Variants in KCNAB1 observed in about 807,000 individuals in gnomAD.
KCNAB1 encodes voltage-gated potassium channel subunit beta-1.
Under a neutral mutation model 64.6 loss-of-function variants are expected in KCNAB1, and 35 were observed. The ratio of observed to expected loss-of-function variants is 0.54; its 90% CI spans 0.41 to 0.72. KCNAB1 has a LOEUF of 0.72. Among genes scored for constraint, KCNAB1 ranks in the 30% least tolerant of loss-of-function variants. KCNAB1 has a pLI of 0.00. For missense variants in KCNAB1, 401 were observed against 512.9 expected (o/e 0.78, Z 2.11); for synonymous variants, 177 against 183.8 (o/e 0.96, Z 0.30).
chr3:156,368,076 G>A (rs527895847), intron 1 of KCNAB1, among the ~76,000 whole-genome samples: 9 of 152,268 alleles, frequency 5.9e-5, no homozygotes, highest in East Asian at 1.9e-4. Context: ...AATGGATAAG[G>A]TTGCCAAATT....
chr3:156,401,302 A>T (rs1418525081), intron 1 of KCNAB1, among the ~76,000 whole-genome samples: 2 of 152,264 alleles, frequency 1.3e-5, no homozygotes, highest in Non-Finnish European at 2.9e-5. Flanking sequence ...CAAACTTGCA[A>T]GTCCCGGATG....
chr3:156,489,331 T>G (rs1054258856), intron 8 of KCNAB1, among the ~76,000 whole-genome samples: 2 of 151,778 alleles, frequency 1.3e-5, no homozygotes, highest in African/African-American at 2.4e-5. Flanking sequence ...AAGAAAGAAA[T>G]AAAGAAATCA....
intron 1 of KCNAB1, among the ~76,000 whole-genome samples, chr3:156,344,640 G>A (rs59786955): frequency 0.024 from 3,710 of 152,302 alleles, 72 homozygotes; most frequent in African/African-American, 0.061. Flanking sequence ...CAAAGATTCC[G>A]TTTCAGTGGG....
intron 1 of KCNAB1, among the ~76,000 whole-genome samples, chr3:156,261,206 C>A (rs1008704879): frequency 6.6e-6 from 1 of 151,896 alleles, no homozygotes; most frequent in Admixed American, 6.6e-5. Context: ...TTAATGATAT[C>A]TTAAGTAATT....
At chr3:156,398,646 T>C (rs1713662446) in intron 1 of KCNAB1, among the ~76,000 whole-genome samples, 1 of 149,170 alleles carries the variant, frequency 6.7e-6, no homozygotes, top group Non-Finnish European at 1.5e-5. Context: ...CAAACCACCA[T>C]CAATGTATAC....
chr3:156,280,921 T>C (rs1282954407), intron 1 of KCNAB1, among the ~76,000 whole-genome samples: 4 of 148,482 alleles, frequency 2.7e-5, no homozygotes, highest in Admixed American at 6.7e-5. Context: ...CAGGGACAAT[T>C]TGACTTCCTC....
At chr3:156,331,033 A>G (rs1723295747) in intron 1 of KCNAB1, among the ~76,000 whole-genome samples, 1 of 152,160 alleles carries the variant, frequency 6.6e-6, no homozygotes, top group Non-Finnish European at 1.5e-5. Flanking sequence ...CCATCACCTT[A>G]GCCCAGGAAG....
chr3:156,514,328 A>C (rs1717416279), intron 8 of KCNAB1, 36 bp from the exon 9 acceptor site: 3 of 1,544,774 alleles, frequency 1.9e-6, no homozygotes, highest in Admixed American at 1.7e-5. Flanking sequence ...AAAAGTAGAC[A>C]AATTCATGAA....
chr3:156,317,255 C>G (rs1417072063), intron 1 of KCNAB1, among the ~76,000 whole-genome samples: 3 of 152,112 alleles, frequency 2.0e-5, no homozygotes, highest in Non-Finnish European at 4.4e-5. Context: ...TATAAAGGAA[C>G]TTTTGCATGT....
At chr3:156,342,131 C>T (rs1295076882) in intron 1 of KCNAB1, among the ~76,000 whole-genome samples, 2 of 152,154 alleles carry the variant, frequency 1.3e-5, no homozygotes, top group Non-Finnish European at 2.9e-5. Context: ...ATTCTGTCCC[C>T]AGCAAACAGA....
In KCNAB1 at chr3:156,409,835, C is replaced by G. The variant is rs77341673; in HGVS notation, c.276-11781C>G. Among the ~76,000 whole-genome samples the G allele has an allele frequency of 4.6e-5, 7 of 152,190 alleles. No individual in the cohort carries two copies. The East Asian group carries it at 1.3e-3, about 29-fold the overall frequency. Reference sequence around the variant, plus strand: ...TAATAAAAAGATCAAAGTAGAGGTTCGAGAATAAAGATAAACTAAAACCAG... The same window carrying G: ...TAATAAAAAGATCAAAGTAGAGGTTGGAGAATAAAGATAAACTAAAACCAG... On this transcript the variant is annotated intron_variant, in intron 1 of 13. Transcript: ENST00000490337.
chr3:156,501,440 T>C (rs1160615580), intron 8 of KCNAB1, among the ~76,000 whole-genome samples: 1 of 141,822 alleles, frequency 7.1e-6, no homozygotes, highest in Non-Finnish European at 1.5e-5. Context: ...TTTTTTTTTT[T>C]TTTTTTTTGA....
chr3:156,434,280 G>C (rs1716434532), intron 2 of KCNAB1, among the ~76,000 whole-genome samples: 1 of 152,178 alleles, frequency 6.6e-6, no homozygotes, highest in South Asian at 2.1e-4. Flanking sequence ...AGGTGGTGAG[G>C]GTTGAGAATA....
At chr3:156,449,572 T>C (rs56261626) in intron 2 of KCNAB1, among the ~76,000 whole-genome samples, 21,971 of 152,218 alleles carry the variant, frequency 0.14, 2,595 homozygotes, top group African/African-American at 0.33. Context: ...TGTCTAATCA[T>C]AGCCCAACAT....
intron 1 of KCNAB1, among the ~76,000 whole-genome samples, chr3:156,264,936 A>G (rs570002821): frequency 2.0e-5 from 3 of 152,192 alleles, no homozygotes; most frequent in African/African-American, 4.8e-5. Flanking sequence ...CCCAACTACT[A>G]TCTTGAGTTG....
intron 2 of KCNAB1, among the ~76,000 whole-genome samples, chr3:156,433,986 G>A (rs1716412693): frequency 6.6e-6 from 1 of 152,152 alleles, no homozygotes; most frequent in African/African-American, 2.4e-5. Flanking sequence ...TGGCTCTGGG[G>A]GAACATTGGG....
intron 1 of KCNAB1, among the ~76,000 whole-genome samples, chr3:156,303,033 T>C (rs1260541290): frequency 6.6e-6 from 1 of 152,216 alleles, no homozygotes; most frequent in Non-Finnish European, 1.5e-5. Flanking sequence ...CCCTGCTTTG[T>C]TCACATTGTC....
At chr3:156,142,558 T>C (rs981768081) in intron 1 of KCNAB1, among the ~76,000 whole-genome samples, 3 of 152,224 alleles carry the variant, frequency 2.0e-5, no homozygotes, top group African/African-American at 7.2e-5. Flanking sequence ...AGATTTGCTC[T>C]TCATATTTGT....
At chr3:156,324,755 A>T (rs1441836904) in intron 1 of KCNAB1, among the ~76,000 whole-genome samples, 1 of 152,134 alleles carries the variant, frequency 6.6e-6, no homozygotes, top group African/African-American at 2.4e-5. Context: ...AACTGGCATT[A>T]GTTAGGCCAG....
Sources: allele counts gnomAD v4.1 joint callset (sites outside exome capture counted in the v4.1 genomes callset), GRCh38; gene constraint gnomAD v4.1.1; transcripts MANE v1.5; gene names NCBI Gene and HGNC (gene_info 2026-07-23, HGNC 2026-07-21).